The following BABAM2 variants were observed in gnomAD, a reference collection of about 807,000 sequenced individuals.
BABAM2 encodes the protein BRISC and BRCA1 A complex member 2.
BABAM2 carries 31 observed loss-of-function variants against 54.7 expected under a neutral mutation model. That is an observed-to-expected ratio of 0.57 (90% CI 0.43 to 0.77). The LOEUF is 0.77. BABAM2 is among the 30% of genes least tolerant of loss of function. The probability of loss-of-function intolerance (pLI) is 0.00; values close to 1 mark genes in which losing one functional copy is unlikely to be tolerated. For synonymous variants in BABAM2, 167 were observed against 162.9 expected, an observed-to-expected ratio of 1.03 and a Z score of -0.19; for missense variants, 364 against 455.8, an observed-to-expected ratio of 0.80 and a Z score of 1.83.
chr2:28,217,304 G>T (rs1049577742), intron 7 of BABAM2, among the ~76,000 whole-genome samples: 1 of 152,208 alleles, frequency 6.6e-6, no homozygotes, highest in Non-Finnish European at 1.5e-5. Context: ...TGCTTTGGAA[G>T]ACAGTGGATA....
At chr2:27,992,057 TATGAAGTGGTATCTCATACCCACAA>T (rs1291210663) in intron 4 of BABAM2, among the ~76,000 whole-genome samples, 2 of 152,194 alleles carry the variant, frequency 1.3e-5, no homozygotes, top group Admixed American at 6.5e-5. Context: ...TCCTAGTGGG[TATGAAGTGGTATCTCATACCCACAA>T]ATGAAGTGGT....
At chr2:28,084,332 T>C (rs1665451484) in intron 6 of BABAM2, among the ~76,000 whole-genome samples, 1 of 152,096 alleles carries the variant, frequency 6.6e-6, no homozygotes, top group African/African-American at 2.4e-5. Flanking sequence ...GCAGTGTGCA[T>C]AGGATACCTC....
rs1456650442 is a variant in BABAM2, at chr2:27,995,925, AT to A, written c.300+7840del. Among the ~76,000 whole-genome samples, 1 of 152,130 alleles carries A rather than the reference AT, an allele frequency of 6.6e-6. No individual in the cohort carries two copies. Among genetic ancestry groups the A allele is most frequent in the East Asian group, 1.9e-4 (1 of 5,188 alleles). On this transcript the variant is annotated intron_variant, in intron 4 of 11. Transcript: ENST00000379624. This position sits in a 1 kb window ranked among gnomAD's most constrained non-coding sequence, Gnocchi z 4.1. Reference sequence around the variant, plus strand: ...AGAGAATATGTTCTTCAGTTTTACAATTCTATTTGATTATTTTCTGTAAATT... The same window carrying A: ...AGAGAATATGTTCTTCAGTTTTACAATCTATTTGATTATTTTCTGTAAATT...
At chr2:28,047,299 A>G (rs1677657419) in intron 6 of BABAM2, among the ~76,000 whole-genome samples, 1 of 152,218 alleles carries the variant, frequency 6.6e-6, no homozygotes, top group South Asian at 2.1e-4. Flanking sequence ...TAGACTAGTA[A>G]GCAGTCTTCT....
At chr2:28,143,178 T>G (rs1478961485) in intron 7 of BABAM2, among the ~76,000 whole-genome samples, 1 of 151,944 alleles carries the variant, frequency 6.6e-6, no homozygotes, top group African/African-American at 2.4e-5. Flanking sequence ...TGGACTAGTA[T>G]TCAGCCTTCA....
At chr2:28,059,316 A>G in intron 6 of BABAM2, among the ~76,000 whole-genome samples, 1 of 152,074 alleles carries the variant, frequency 6.6e-6, no homozygotes, top group East Asian at 1.9e-4. Context: ...CTGAAGATCC[A>G]TTTTCTTCCT....
chr2:27,926,851 A>G (rs1281149658), intron 2 of BABAM2, among the ~76,000 whole-genome samples: 1 of 152,196 alleles, frequency 6.6e-6, no homozygotes, highest in African/African-American at 2.4e-5. Flanking sequence ...TATGGGGTAT[A>G]TAATGATGTT....
At position 27,929,880 on chromosome 2, in the gene BABAM2, C is replaced by T. The variant is rs972527699; in HGVS notation, c.177C>T (p.His59=). Residue 59 remains histidine, a synonymous_variant, in exon 3 of 12, where the codon CAC becomes CAT. Coordinates refer to ENST00000379624, the MANE Select transcript of BABAM2 (RefSeq NM_199191.3). ...CCAACTGTGACCGATTTAAACTGCACATACCATATGCTGGAGAGACATTAA... is the reference window on the plus strand; with the variant it reads ...CCAACTGTGACCGATTTAAACTGCATATACCATATGCTGGAGAGACATTAA... The part of the protein sequence containing the change: ...PGPNCDRFKL[H]IPYAGETLKW... The T allele has an allele frequency of 1.1e-5, 18 of 1,613,412 alleles. No homozygotes were observed. Among genetic ancestry groups the T allele is most frequent in the Non-Finnish European group, 1.4e-5 (17 of 1,179,326 alleles).
At chr2:28,074,157 T>C (rs527371635) in intron 6 of BABAM2, among the ~76,000 whole-genome samples, 162 of 152,298 alleles carry the variant, frequency 1.1e-3, no homozygotes, top group Non-Finnish European at 1.8e-3. Flanking sequence ...GCTGGGGCCA[T>C]TAGGAATTGG....
chr2:27,971,735 A>G (rs987251255), intron 3 of BABAM2, among the ~76,000 whole-genome samples: 2 of 152,014 alleles, frequency 1.3e-5, no homozygotes, highest in Non-Finnish European at 2.9e-5. Flanking sequence ...GACAAGGATC[A>G]TTACTGATTT....
intron 11 of BABAM2, among the ~76,000 whole-genome samples, chr2:28,338,229 G>GGCC (rs1232851679): frequency 2.0e-5 from 3 of 152,232 alleles, no homozygotes; most frequent in Admixed American, 6.5e-5. Context: ...TGCACGTACA[G>GGCC]GCCCTTTGAA....
At chr2:28,284,541 CCTCT>C (rs750038849) in intron 10 of BABAM2, among the ~76,000 whole-genome samples, 77 of 151,990 alleles carry the variant, frequency 5.1e-4, no homozygotes, top group Non-Finnish European at 7.8e-4. Flanking sequence ...CATCAGGCTT[CCTCT>C]CTGTTCAGAT....
At chr2:28,120,900 C>T (rs529657402) in intron 6 of BABAM2, among the ~76,000 whole-genome samples, 16 of 152,176 alleles carry the variant, frequency 1.1e-4, no homozygotes, top group African/African-American at 3.6e-4. Flanking sequence ...AGAGAAAGAA[C>T]TTTTTAAGAA....
intron 7 of BABAM2, among the ~76,000 whole-genome samples, chr2:28,215,060 C>T (rs1679809947): frequency 6.6e-6 from 1 of 151,984 alleles, no homozygotes; most frequent in African/African-American, 2.4e-5. Context: ...CAGTTTTCAC[C>T]ATCTTTTTCA....
intron 6 of BABAM2, among the ~76,000 whole-genome samples, chr2:28,116,001 G>A (rs1223169908): frequency 1.3e-5 from 2 of 151,902 alleles, no homozygotes; most frequent in Non-Finnish European, 2.9e-5. Context: ...TGTAAACCCA[G>A]CTACTCGGGA....
chr2:27,996,932 A>G (rs1673190294), intron 4 of BABAM2, among the ~76,000 whole-genome samples: 1 of 152,208 alleles, frequency 6.6e-6, no homozygotes, highest in Non-Finnish European at 1.5e-5. Context: ...TGATCTGTAC[A>G]GAGCTACTTC....
intron 2 of BABAM2, among the ~76,000 whole-genome samples, chr2:27,898,454 C>G (rs1472242490): frequency 6.6e-6 from 1 of 152,120 alleles, no homozygotes; most frequent in Non-Finnish European, 1.5e-5. Context: ...CATTTTCTCA[C>G]TGGATCTCAA....
At chr2:28,122,342 G>A (rs896793760) in intron 6 of BABAM2, among the ~76,000 whole-genome samples, 3 of 151,864 alleles carry the variant, frequency 2.0e-5, no homozygotes, top group Admixed American at 2.0e-4. Flanking sequence ...TGTACTTCAT[G>A]CTTGTAGTCT....
chr2:28,315,528 C>A (rs1689478911), intron 11 of BABAM2, among the ~76,000 whole-genome samples: 2 of 150,882 alleles, frequency 1.3e-5, no homozygotes, highest in Admixed American at 1.3e-4. Flanking sequence ...AGTACAGTGG[C>A]ACAATCATAG....
Sources: allele counts gnomAD v4.1 joint callset (sites outside exome capture counted in the v4.1 genomes callset), GRCh38; gene constraint gnomAD v4.1.1; non-coding constraint Gnocchi (gnomAD v3.1); transcripts MANE v1.5; gene names NCBI Gene and HGNC (gene_info 2026-07-23, HGNC 2026-07-21).